Variants in TFIP11 observed in about 807,000 individuals in gnomAD.
TFIP11 encodes tuftelin interacting protein 11, also known as tuftelin-interacting protein 11.
A neutral mutation model predicts 96.8 loss-of-function variants in TFIP11; 86 were observed. The ratio of observed to expected loss-of-function variants is 0.89; its 90% CI spans 0.75 to 1.06. The LOEUF (loss-of-function observed/expected upper bound fraction) is 1.06, where lower values mean the gene tolerates loss of function less well. TFIP11 is among the 50% of genes least tolerant of loss of function. The pLI, the probability that TFIP11 is intolerant of heterozygous loss-of-function variation, is 0.00. For missense variants in TFIP11, 881 were observed against 1,076.7 expected, an observed-to-expected ratio of 0.82 and a Z score of 2.54; for synonymous variants, 405 against 395.2, an observed-to-expected ratio of 1.02 and a Z score of -0.29.
chr22:26,494,390 C>G, intron 13 of TFIP11, 86 bp from the exon 14 acceptor site: 1 of 1,503,494 alleles, frequency 6.7e-7, no homozygotes. Flanking sequence ...TGTTTTGATC[C>G]TGGTCCTACA....
In TFIP11 at chr22:26,491,695, T is replaced by C; in HGVS notation, c.*318A>G. ...TGAACTCGTTGTGAGGTACTCAGTG[T>C]TGGCTGAGGTAGAAGCTGCCACCAG... is the stretch of plus-strand genomic sequence containing the variant. On this transcript the variant is annotated 3_prime_UTR_variant, in exon 15 of 15. Transcript: ENST00000407690. 2 of 1,595,968 alleles carry C rather than the reference T, an allele frequency of 1.3e-6. No individual in the cohort carries two copies. The highest frequency in any genetic ancestry group is 1.7e-6 in the Non-Finnish European group (2 of 1,172,518).
chr22:26,499,448 C>G lies in TFIP11; in HGVS notation c.985G>C (p.Asp329His), dbSNP rs774829895. ...ELEHNLQLLI[D>H]LTEQEIIQND... ...TGGATGATCTCCTGCTCCGTGAGGT[C>G]GATGAGCAGCTGCAGGTTGTGCTCC... The change falls in exon 9 of 15, where the codon GAC (aspartate) becomes CAC (histidine). Residue 329 changes from aspartate to histidine, a missense_variant. Physicochemically the swap from Asp to His is moderately conservative, Grantham distance 81. Coordinates refer to ENST00000407690, the MANE Select transcript of TFIP11 (RefSeq NM_012143.4). The G allele has an allele frequency of 1.2e-6, 2 of 1,614,186 alleles. No homozygotes were observed. Among genetic ancestry groups the G allele is most frequent in the Non-Finnish European group, 1.7e-6 (2 of 1,180,046 alleles).
chr22:26,491,542 G>A lies in TFIP11; in HGVS notation c.*471C>T. ...ATATTTAATGATACCTCTGTCCACT[G>A]GTTCCCTGTGCAAAAGCTAGAACAG... On this transcript the variant is annotated 3_prime_UTR_variant, in exon 15 of 15. Transcript: ENST00000407690. The A allele has an allele frequency of 6.2e-7, 1 of 1,614,102 alleles. No homozygotes were observed. Among genetic ancestry groups the A allele is most frequent in the Non-Finnish European group, 8.5e-7 (1 of 1,179,986 alleles).
At position 26,499,203 on chromosome 22, in the gene TFIP11, C is replaced by T. The variant is rs1376765090; in HGVS notation, c.1230G>A (p.Lys410=). ...CGGACATCCTGTACTCCTCATAGTA[C>T]TTGTCCTGCAGGGTTTCGAAGATGC... ...CARIFETLQD[K]YYEEYRMSDR... The change falls in exon 9 of 15, where the codon AAG becomes AAA. Residue 410 remains lysine, a synonymous_variant. Coordinates refer to ENST00000407690, the MANE Select transcript of TFIP11 (RefSeq NM_012143.4). The T allele has an allele frequency of 1.9e-6, 3 of 1,613,814 alleles. No individual in the cohort carries two copies. Among genetic ancestry groups the T allele is most frequent in the East Asian group, 2.2e-5 (1 of 44,878 alleles).
chr22:26,496,821 TCA>T lies in TFIP11; in HGVS notation c.1503_1504del (p.Cys501Ter), dbSNP rs779315121. On this transcript the variant is annotated stop_gained and frameshift_variant, in exon 11 of 15. Coordinates refer to ENST00000407690, the MANE Select transcript of TFIP11 (RefSeq NM_012143.4). LOFTEE classifies it high-confidence loss of function. ...ACTATCCAAAAAGTCCACCATCGGGTCACAGTTCCTTGGCTGCCACTGGGTGA... is the reference window on the plus strand; with the variant it reads ...ACTATCCAAAAAGTCCACCATCGGGTCAGTTCCTTGGCTGCCACTGGGTGA... 6 of 1,614,012 alleles carry T rather than the reference TCA, an allele frequency of 3.7e-6. No individual in the cohort carries two copies. In the South Asian group the frequency reaches 5.5e-5, roughly 15 times the overall value.
chr22:26,494,176 T>C lies in TFIP11; in HGVS notation c.2121A>G (p.Ala707=). Residue 707 remains alanine (A), a synonymous_variant, in exon 14 of 15, where the codon GCA becomes GCG. Transcript: ENST00000407690. ...HPSVKDKFNE[A]LDIMNRAVSS... ...ACACCGCCCGGTTCATGATATCAAG[T>C]GCCTCATTAAATTTGTCCTTGACAG... is the stretch of plus-strand genomic sequence containing the variant. 1 of 1,614,226 alleles carries C rather than the reference T, an allele frequency of 6.2e-7. No individual in the cohort carries two copies.
At position 26,491,797 on chromosome 22, in the gene TFIP11, G is replaced by A; in HGVS notation, c.*216C>T. 2 of 1,015,866 alleles carry A rather than the reference G, an allele frequency of 2.0e-6. No homozygotes were observed. Among genetic ancestry groups the A allele is most frequent in the Non-Finnish European group, 2.8e-6 (2 of 706,886 alleles). 62.9% of individuals were successfully genotyped at this position (1,015,866 alleles called of 1,614,324 possible). On this transcript the variant is annotated 3_prime_UTR_variant, in exon 15 of 15. Coordinates refer to ENST00000407690, the MANE Select transcript of TFIP11 (RefSeq NM_012143.4). ...GAAAGAACATCAACTTGGCTGTCCTGTTTTGAGGACGATACCCCACATGAG... is the reference window on the plus strand; with the variant it reads ...GAAAGAACATCAACTTGGCTGTCCTATTTTGAGGACGATACCCCACATGAG...
At chr22:26,496,433 C>CA (rs1357619698) in intron 11 of TFIP11, 117 bp from the exon 12 acceptor site, 35 of 1,376,026 alleles carry the variant, frequency 2.5e-5, no homozygotes, top group Non-Finnish European at 3.2e-5. Flanking sequence ...CTGAGGCCCA[C>CA]AGTCCTTTGT....
Position 26,499,121 on chromosome 22 carries a change from C to G in TFIP11, c.1312G>C (p.Glu438Gln). 1 of 1,589,898 alleles carries G rather than the reference C, an allele frequency of 6.3e-7. No individual in the cohort carries two copies. Among genetic ancestry groups the G allele is most frequent in the South Asian group, 1.1e-5 (1 of 87,846 alleles). Residue 438 changes from glutamate (E) to glutamine (Q), a missense_variant, in exon 9 of 15, where the codon GAG becomes CAG. Physicochemically the swap from Glu to Gln is conservative, Grantham distance 29 (BLOSUM62 2). Coordinates refer to ENST00000407690, the MANE Select transcript of TFIP11 (RefSeq NM_012143.4). Reference sequence around the variant, plus strand: ...CAACTCACTTTGAGGGGATCCCACTCCTTGAAGTACTCCTTCATGAGTGGA... The same window carrying G: ...CAACTCACTTTGAGGGGATCCCACTGCTTGAAGTACTCCTTCATGAGTGGA... The part of the protein sequence containing the change: ...VYPLMKEYFK[E>Q]WDPLKDCTYG...
At chr22:26,493,952 C>G in intron 14 of TFIP11, 187 bp downstream of exon 14, 1 of 601,022 alleles carries the variant, frequency 1.7e-6, no homozygotes, top group East Asian at 3.0e-5. Flanking sequence ...TCATGGTAGA[C>G]CTGGGCAGTG....
chr22:26,506,241 A>T (rs111554730), intron 6 of TFIP11, 62 bp downstream of exon 6: 1 of 1,490,304 alleles, frequency 6.7e-7, no homozygotes, highest in South Asian at 1.4e-5. Context: ...TCCTCTCCCA[A>T]CGCCCCTCTC....
chr22:26,491,423 T>C lies in TFIP11; in HGVS notation c.*590A>G. On this transcript the variant is annotated 3_prime_UTR_variant, in exon 15 of 15. Coordinates refer to ENST00000407690, the MANE Select transcript of TFIP11 (RefSeq NM_012143.4). ...TATCCCAGAAGAGTGGGGATTACTG[T>C]GACTATCTGAAGTTTTTATACTTGA... 1 of 1,482,464 alleles carries C rather than the reference T, an allele frequency of 6.7e-7. No homozygotes were observed. Among genetic ancestry groups the C allele is most frequent in the Non-Finnish European group, 9.4e-7 (1 of 1,069,214 alleles). The allele number at this position is 1,482,464 out of a possible 1,614,324, so 91.8% of individuals were successfully genotyped here. A position where few individuals can be genotyped will look rare whatever the true frequency, so the allele number is the denominator to read the frequency against.
At position 26,499,617 on chromosome 22, in the gene TFIP11, T is replaced by C. The variant is rs762821365; in HGVS notation, c.816A>G (p.Thr272=). Reference sequence around the variant, plus strand: ...TGTAGTAGACCTTCTGCTCCCGGCCTGTCATGTCTATGACCTTGGAAAACA... The same window carrying C: ...TGTAGTAGACCTTCTGCTCCCGGCCCGTCATGTCTATGACCTTGGAAAACA... ...ELSQVKVIDM[T]GREQKVYYSY... The change falls in exon 9 of 15, where the codon ACA becomes ACG. Residue 272 remains threonine, a synonymous_variant. Coordinates refer to ENST00000407690, the MANE Select transcript of TFIP11 (RefSeq NM_012143.4). 1.9e-6 allele frequency: 3 copies of C among 1,611,596 alleles called. No individual in the cohort carries two copies. Among genetic ancestry groups the C allele is most frequent in the East Asian group, 4.5e-5 (2 of 44,842 alleles).
intron 14 of TFIP11, 41 bp from the exon 15 acceptor site, chr22:26,492,409 C>T: frequency 6.3e-7 from 1 of 1,588,646 alleles, no homozygotes; most frequent in East Asian, 2.2e-5. Flanking sequence ...GAGGTGTTTC[C>T]AGGTGTATGG....
rs576060276 is a variant in TFIP11 at position 26,503,678 on chromosome 22, T to G, written c.636A>C (p.Glu212Asp). Residue 212 changes from glutamate (E) to aspartate (D), a missense_variant, in exon 7 of 15, where the codon GAA becomes GAC. Glu to Asp is a conservative substitution (Grantham distance 45). Transcript: ENST00000407690. ...MQDFPVVDSEEEAEEEFQKEL... is the reference protein window; with the variant it reads ...MQDFPVVDSEDEAEEEFQKEL... The stretch of plus-strand genomic sequence containing the variant: ...GACTTCCAGTTACCTCTTCAGCTTC[T>G]TCCTCTGAGTCAACCACAGGGAAGT... 4 of 1,614,024 alleles carry G rather than the reference T, an allele frequency of 2.5e-6. No individual in the cohort carries two copies. The African/African-American group carries it at 5.3e-5, about 22-fold the overall frequency.
intron 10 of TFIP11, among the ~76,000 whole-genome samples, chr22:26,498,139 A>C (rs1922291667): frequency 6.6e-6 from 1 of 152,248 alleles, no homozygotes; most frequent in Non-Finnish European, 1.5e-5. Flanking sequence ...CAAACATCTT[A>C]TGTTCTCACT....
chr22:26,499,522 G>A lies in TFIP11; in HGVS notation c.911C>T (p.Pro304Leu). The A allele has an allele frequency of 6.2e-7, 1 of 1,614,206 alleles. No individual in the cohort carries two copies. Among genetic ancestry groups the A allele is most frequent in the Non-Finnish European group, 8.5e-7 (1 of 1,180,048 alleles). Reference protein sequence around the residue: ...DGLPLQSQQLPQSGKEAKAPG... With the variant: ...DGLPLQSQQLLQSGKEAKAPG... ...GGCCTTGGCCTCTTTGCCAGACTGT[G>A]GCAGCTGTTGGGACTGTAGCGGCAG... Residue 304 changes from proline (P) to leucine (L), a missense_variant, in exon 9 of 15, where the codon CCA (proline) becomes CTA (leucine). By Grantham distance (98) the Pro-to-Leu change is moderately conservative (BLOSUM62 -3). Coordinates refer to ENST00000407690, the MANE Select transcript of TFIP11 (RefSeq NM_012143.4).
chr22:26,511,659 G>A (rs1924077109), intron 2 of TFIP11: 1 of 152,182 alleles, frequency 6.6e-6, no homozygotes, highest in African/African-American at 2.4e-5. Context: ...ACACTCCATA[G>A]GTGACAGCAA....
intron 4 of TFIP11, among the ~76,000 whole-genome samples, chr22:26,509,107 C>A (rs1923757366): frequency 6.6e-6 from 1 of 152,180 alleles, no homozygotes; most frequent in Non-Finnish European, 1.5e-5. Context: ...TGGCTCCATG[C>A]CTATTGAGCA....
Sources: allele counts gnomAD v4.1 joint callset (sites outside exome capture counted in the v4.1 genomes callset), GRCh38; gene constraint gnomAD v4.1.1; transcripts MANE v1.5; gene names NCBI Gene and HGNC (gene_info 2026-07-23, HGNC 2026-07-21).